Variants in UTP20 observed in about 807,000 individuals in gnomAD.
UTP20 encodes the protein small subunit processome component 20 homolog.
A neutral mutation model predicts 329.5 loss-of-function variants in UTP20; 164 were observed. That is an observed-to-expected ratio of 0.50 (90% CI 0.44 to 0.57). UTP20 has a LOEUF of 0.57. Among genes scored for constraint, UTP20 ranks in the 20% least tolerant of loss-of-function variants. UTP20 has a pLI of 0.00. For synonymous variants in UTP20, 1,151 were observed against 1,159.3 expected (o/e 0.99, Z 0.14); for missense variants, 3,055 against 3,284.2 (o/e 0.93, Z 1.71).
intron 49 of UTP20, 77 bp downstream of exon 49, chr12:101,369,968 C>T (rs558342933): frequency 2.1e-6 from 3 of 1,419,142 alleles, no homozygotes; most frequent in African/African-American, 2.9e-5. Context: ...AATCCCAGCA[C>T]TTTGGGAGGC....
chr12:101,333,086 G>C (rs920565074), intron 27 of UTP20, among the ~76,000 whole-genome samples: 3 of 152,192 alleles, frequency 2.0e-5, no homozygotes, highest in Non-Finnish European at 2.9e-5. Context: ...CTACTAGGCA[G>C]TGATATTGTT....
intron 17 of UTP20, among the ~76,000 whole-genome samples, chr12:101,307,533 C>A (rs111493010): frequency 2.0e-5 from 3 of 152,040 alleles, no homozygotes; most frequent in Non-Finnish European, 2.9e-5. Flanking sequence ...CCTGCCACCA[C>A]GCCTGGCTAA....
chr12:101,289,095 G>A (rs1872051927), intron 6 of UTP20, 54 bp downstream of exon 6: 1 of 1,499,082 alleles, frequency 6.7e-7, no homozygotes, highest in South Asian at 1.1e-5. Flanking sequence ...CTGATGAATA[G>A]GCCAGGCGTG....
chr12:101,311,852 T>C (rs1470701470), intron 20 of UTP20, 54 bp downstream of exon 20: 41 of 1,573,598 alleles, frequency 2.6e-5, no homozygotes, highest in Non-Finnish European at 3.5e-5. Context: ...TTTAACTGTT[T>C]TGTTTTTATT....
At chr12:101,355,267 T>C in intron 41 of UTP20, 149 bp downstream of exon 41, 1 of 883,616 alleles carries the variant, frequency 1.1e-6, no homozygotes, top group Non-Finnish European at 1.7e-6. Context: ...CCTCTACTCT[T>C]ATCTCTTCAA....
Position 101,308,193 on chromosome 12 carries a change from G to T in UTP20, c.2004G>T (p.Gly668=), listed in dbSNP as rs1160750596. The change falls in exon 18 of 62, where the codon GGG becomes GGT. Residue 668 remains glycine, a synonymous_variant. Coordinates refer to ENST00000261637, the MANE Select transcript of UTP20 (RefSeq NM_014503.3). ...VQLPESMEDD[G]LSERQSVFAI... ...TTTCTCTGGTTATTCAGGATGATGG[G>T]CTCTCAGAGCGGCAGTCTGTCTTTG... The T allele has an allele frequency of 1.9e-6, 3 of 1,606,152 alleles. No homozygotes were observed. Among genetic ancestry groups the T allele is most frequent in the Non-Finnish European group, 2.5e-6 (3 of 1,176,632 alleles).
Position 101,293,265 on chromosome 12 carries a change from C to A in UTP20, c.1251+20C>A, listed in dbSNP as rs2290720. ...GAGCAGGTAAGCAAGTTACTAAGTT[C>A]GGAGTATTTTTAAAAACAAATCTGT... On this transcript the variant is annotated intron_variant, in intron 11 of 61. Transcript: ENST00000261637. The A allele has an allele frequency of 3.1e-6, 5 of 1,606,754 alleles. No homozygotes were observed. Among genetic ancestry groups the A allele is most frequent in the South Asian group, 2.2e-5 (2 of 90,636 alleles).
At chr12:101,359,366 C>G (rs751719248) in intron 43 of UTP20, among the ~76,000 whole-genome samples, 4 of 151,902 alleles carry the variant, frequency 2.6e-5, no homozygotes, top group Non-Finnish European at 4.4e-5. Context: ...GCACCCAGCC[C>G]CAGTATTTTT....
At chr12:101,385,763 T>A in intron 61 of UTP20, 35 bp downstream of exon 61, 1 of 1,596,764 alleles carries the variant, frequency 6.3e-7, no homozygotes, top group Non-Finnish European at 8.5e-7. Context: ...GCATGTTCAC[T>A]GGACTTGATA....
Position 101,306,605 on chromosome 12 carries a change from T to A in UTP20, c.1933-94T>A, listed in dbSNP as rs1442625314. 6.6e-5 allele frequency: 77 copies of A among 1,172,158 alleles called. 1 individual carries two copies. The South Asian group carries it at 7.2e-4, about 11-fold the overall frequency. 72.6% of individuals were successfully genotyped at this position (1,172,158 alleles called of 1,614,324 possible). A position where few individuals can be genotyped will look rare whatever the true frequency, so the allele number is the denominator to read the frequency against. On this transcript the variant is annotated intron_variant, in intron 16 of 61. Transcript: ENST00000261637. ...CTCTGGTCAAATGGTATTTTTTTTT[T>A]AAATTGTATAAAACTTAAATCTTGC...
intron 17 of UTP20, 125 bp downstream of exon 17, chr12:101,306,886 T>G (rs972637256): frequency 1.9e-6 from 2 of 1,040,202 alleles, no homozygotes; most frequent in Non-Finnish European, 2.6e-6. Context: ...AAAAATTGAT[T>G]TTTTTGGCTG....
intron 19 of UTP20, among the ~76,000 whole-genome samples, chr12:101,310,776 A>T (rs1872767220): frequency 1.3e-5 from 2 of 152,202 alleles, no homozygotes; most frequent in African/African-American, 2.4e-5. Context: ...ATTTATAGAC[A>T]GATCCCTTTA....
rs770835593 is a variant in UTP20, at chr12:101,281,140, G to C, written c.70G>C (p.Gly24Arg). The stretch of plus-strand genomic sequence containing the variant: ...GTTTCTTACATTTGCTGAACGACTG[G>C]GGAATGTTAATATTGATATTATTCA... ...YRFLTFAERL[G>R]NVNIDIIHRI... Residue 24 changes from glycine to arginine, a missense_variant, in exon 2 of 62, where the codon GGG (glycine) becomes CGG (arginine). Gly to Arg is a moderately radical substitution (Grantham distance 125). Transcript: ENST00000261637. The C allele has an allele frequency of 2.4e-5, 38 of 1,612,354 alleles. No homozygotes were observed. The highest frequency in any genetic ancestry group is 3.1e-5 in the Non-Finnish European group (37 of 1,179,148).
intron 42 of UTP20, 116 bp downstream of exon 42, chr12:101,356,809 G>T (rs1869738142): frequency 6.8e-7 from 1 of 1,480,538 alleles, no homozygotes; most frequent in Non-Finnish European, 9.1e-7. Context: ...ACTTGCTGTG[G>T]TTTCGAATAT....
chr12:101,287,441 G>T (rs1023896895), intron 5 of UTP20, among the ~76,000 whole-genome samples: 2 of 152,232 alleles, frequency 1.3e-5, no homozygotes, highest in African/African-American at 4.8e-5. Flanking sequence ...TGTCTCCTAA[G>T]TCAGGCTCTT....
chr12:101,331,482 T>G (rs1868758371), intron 27 of UTP20, among the ~76,000 whole-genome samples: 1 of 152,240 alleles, frequency 6.6e-6, no homozygotes, highest in Non-Finnish European at 1.5e-5. Flanking sequence ...CTTGCTTACC[T>G]GTCATTTCCT....
At position 101,329,282 on chromosome 12, in the gene UTP20, G is replaced by A. The variant is rs376634646; in HGVS notation, c.3250G>A (p.Asp1084Asn). ...AGTCATTCAAGCAGTAGAAGACTTG[G>A]ATTTGTCTAAAGTTCTTCCTTTAGG... Reference protein sequence around the residue: ...SAVIQAVEDLDLSKVLPLGRQ... With the variant: ...SAVIQAVEDLNLSKVLPLGRQ... Residue 1084 changes from aspartate (D) to asparagine (N), a missense_variant, in exon 27 of 62, where the codon GAT (aspartate) becomes AAT (asparagine). Transcript: ENST00000261637. The A allele has an allele frequency of 2.6e-5, 42 of 1,613,994 alleles. No individual in the cohort carries two copies. Among genetic ancestry groups the A allele is most frequent in the African/African-American group, 8.0e-5 (6 of 74,898 alleles).
chr12:101,324,073 G>A (rs1175643555), intron 25 of UTP20, among the ~76,000 whole-genome samples: 1 of 151,894 alleles, frequency 6.6e-6, no homozygotes, highest in East Asian at 1.9e-4. Flanking sequence ...GGAGGTGGAG[G>A]TTGCAGTGAG....
chr12:101,339,598 G>A (rs1869053149), intron 31 of UTP20, among the ~76,000 whole-genome samples: 1 of 152,120 alleles, frequency 6.6e-6, no homozygotes, highest in Non-Finnish European at 1.5e-5. Flanking sequence ...TGGAATTGCA[G>A]TTTTTTACTC....
Sources: allele counts gnomAD v4.1 joint callset (sites outside exome capture counted in the v4.1 genomes callset), GRCh38; gene constraint gnomAD v4.1.1; transcripts MANE v1.5; gene names NCBI Gene and HGNC (gene_info 2026-07-23, HGNC 2026-07-21).